The following NRG3 variants were observed in gnomAD, a reference collection of about 807,000 sequenced individuals.
The protein encoded by NRG3 is pro-neuregulin-3, membrane-bound isoform.
In NRG3, 31 loss-of-function variants were observed where a neutral mutation model predicts 66.9. The observed-to-expected ratio is 0.46, with a 90% CI of 0.35 to 0.63. The LOEUF is 0.63. Among genes scored for constraint, NRG3 ranks in the 20% least tolerant of loss-of-function variants. The probability of loss-of-function intolerance (pLI) is 0.00; values close to 1 mark genes in which losing one functional copy is unlikely to be tolerated. For missense variants in NRG3, 910 were observed against 878.9 expected (o/e 1.04, Z -0.45); for synonymous variants, 393 against 359.4 (o/e 1.09, Z -1.06).
At chr10:82,700,684 C>T (rs1350969655) in intron 2 of NRG3, among the ~76,000 whole-genome samples, 1 of 152,014 alleles carries the variant, frequency 6.6e-6, no homozygotes, top group Non-Finnish European at 1.5e-5. Context: ...CTTTAGAAGC[C>T]ATATGCAGGC....
At chr10:82,099,831 C>A (rs1012951645) in intron 1 of NRG3, among the ~76,000 whole-genome samples, 1 of 151,354 alleles carries the variant, frequency 6.6e-6, no homozygotes, top group Admixed American at 6.6e-5. Flanking sequence ...AACAAAAAAA[C>A]AACTTAGCTG....
At chr10:82,800,413 C>T (rs1220751374) in intron 3 of NRG3, among the ~76,000 whole-genome samples, 3 of 151,944 alleles carry the variant, frequency 2.0e-5, no homozygotes, top group African/African-American at 4.8e-5. Flanking sequence ...CATATTCAAC[C>T]ACTAACATTG....
At chr10:82,660,284 G>T (rs1282578890) in intron 2 of NRG3, among the ~76,000 whole-genome samples, 1 of 133,510 alleles carries the variant, frequency 7.5e-6, no homozygotes, top group Non-Finnish European at 1.6e-5. Flanking sequence ...AAAATAAATT[G>T]CCCAGCTGCC....
chr10:82,192,491 T>C (rs2074203831), intron 1 of NRG3, among the ~76,000 whole-genome samples: 1 of 152,152 alleles, frequency 6.6e-6, no homozygotes. Context: ...GATATCCACC[T>C]ATTGTCTAAA....
chr10:81,927,436 T>C (rs977245798), intron 1 of NRG3, among the ~76,000 whole-genome samples: 1 of 152,200 alleles, frequency 6.6e-6, no homozygotes, highest in Non-Finnish European at 1.5e-5. Flanking sequence ...AAAGTGAATA[T>C]TAACTATGTT....
chr10:82,684,029 G>T (rs1325989342), intron 2 of NRG3, among the ~76,000 whole-genome samples: 1 of 52,136 alleles, frequency 1.9e-5, no homozygotes, highest in Non-Finnish European at 8.0e-5. Flanking sequence ...TATATTCAGA[G>T]CGCCCCTGTG....
At chr10:82,852,218 C>T (rs2063593439) in intron 3 of NRG3, among the ~76,000 whole-genome samples, 1 of 152,028 alleles carries the variant, frequency 6.6e-6, no homozygotes, top group Admixed American at 6.6e-5. Context: ...AGAAAATTAG[C>T]ACTCGTAAGT....
intron 1 of NRG3, among the ~76,000 whole-genome samples, chr10:81,888,561 G>C (rs1363174821): frequency 1.3e-5 from 2 of 152,148 alleles, no homozygotes; most frequent in Non-Finnish European, 2.9e-5. Context: ...TGCTTAGAGG[G>C]AGAAAGGTAG....
intron 2 of NRG3, among the ~76,000 whole-genome samples, chr10:82,472,231 A>AC (rs1462003081): frequency 6.6e-6 from 1 of 152,204 alleles, no homozygotes; most frequent in African/African-American, 2.4e-5. Flanking sequence ...GGCATTGAAC[A>AC]CATTTTATTC....
intron 2 of NRG3, among the ~76,000 whole-genome samples, chr10:82,428,788 C>T (rs752788789): frequency 2.6e-5 from 4 of 151,770 alleles, no homozygotes; most frequent in Non-Finnish European, 4.4e-5. Context: ...TTGTTTTATT[C>T]ATTATTGAAA....
At chr10:82,088,645 G>A (rs1288915652) in intron 1 of NRG3, among the ~76,000 whole-genome samples, 1 of 152,042 alleles carries the variant, frequency 6.6e-6, no homozygotes, top group African/African-American at 2.4e-5. Context: ...GACCGGGGAA[G>A]AATAAATTTC....
intron 1 of NRG3, among the ~76,000 whole-genome samples, chr10:82,345,280 A>G (rs563145668): frequency 7.6e-6 from 1 of 131,650 alleles, no homozygotes; most frequent in East Asian, 2.5e-4. Context: ...CTTTCTACAT[A>G]TGGCTAGCTA....
chr10:82,731,554 T>C (rs1217957048), intron 2 of NRG3, among the ~76,000 whole-genome samples: 1 of 149,602 alleles, frequency 6.7e-6, no homozygotes, highest in Non-Finnish European at 1.5e-5. Flanking sequence ...TCACTTAACA[T>C]AATGCCTTCC....
intron 2 of NRG3, among the ~76,000 whole-genome samples, chr10:82,723,897 T>A (rs12246711): frequency 6.6e-6 from 1 of 151,866 alleles, no homozygotes; most frequent in Non-Finnish European, 1.5e-5. Flanking sequence ...GGAGAATCAC[T>A]TGAACCTGGG....
intron 2 of NRG3, among the ~76,000 whole-genome samples, chr10:82,420,780 G>A (rs1436869634): frequency 6.6e-6 from 1 of 152,082 alleles, no homozygotes; most frequent in Admixed American, 6.6e-5. Flanking sequence ...TTCCTTCAGT[G>A]GGAGAATGGA....
intron 2 of NRG3, among the ~76,000 whole-genome samples, chr10:82,623,419 C>T (rs1170696946): frequency 6.6e-6 from 1 of 152,186 alleles, no homozygotes; most frequent in African/African-American, 2.4e-5. Flanking sequence ...CCAGTGTGGA[C>T]TCTGAATCAG....
At chr10:82,156,668 T>C (rs1649949) in intron 1 of NRG3, among the ~76,000 whole-genome samples, 104,294 of 151,460 alleles carry the variant, frequency 0.69, 38,100 homozygotes, top group Non-Finnish European at 0.8. Flanking sequence ...CTTCATCAGA[T>C]TTTAGCTCCA....
chr10:82,634,961 G>A (rs1399925642), intron 2 of NRG3, among the ~76,000 whole-genome samples: 1 of 152,164 alleles, frequency 6.6e-6, no homozygotes, highest in African/African-American at 2.4e-5. Context: ...GGCCTTGAGA[G>A]AGTGATGGTA....
chr10:82,150,528 C>CAAAAAAAAA (rs1264827514), intron 1 of NRG3, among the ~76,000 whole-genome samples: 1 of 51,736 alleles, frequency 1.9e-5, no homozygotes, highest in Admixed American at 1.9e-4. Flanking sequence ...AAAGAGCACA[C>CAAAAAAAAA]ACAAAAAAAA....
Sources: gnomAD v4.1 joint callset for allele counts (sites outside exome capture counted in the v4.1 genomes callset) on GRCh38, gnomAD v4.1.1 for gene constraint, MANE v1.5 for transcripts, NCBI Gene and HGNC (gene_info 2026-07-23, HGNC 2026-07-21) for gene names.